Variants in DMXL2 observed in about 807,000 individuals in gnomAD.
DMXL2 encodes Dmx like 2.
DMXL2 carries 103 observed loss-of-function variants against 331.1 expected under a neutral mutation model. The ratio of observed to expected loss-of-function variants is 0.31; its 90% CI spans 0.27 to 0.37. The LOEUF (loss-of-function observed/expected upper bound fraction) is 0.37. Among genes scored for constraint, DMXL2 ranks in the 10% least tolerant of loss-of-function variants. The pLI, the probability that DMXL2 is intolerant of heterozygous loss-of-function variation, is 1.00. For synonymous variants in DMXL2, 1,281 were observed against 1,252.1 expected (o/e 1.02, Z -0.49); for missense variants, 3,171 against 3,642.9 (o/e 0.87, Z 3.33).
intron 6 of DMXL2, among the ~76,000 whole-genome samples, chr15:51,548,428 C>T (rs554570573): frequency 5.5e-4 from 84 of 152,098 alleles, no homozygotes; most frequent in African/African-American, 1.9e-3. Context: ...TTTAATTATA[C>T]AGCAAATCTT....
chr15:51,576,011 A>G, intron 2 of DMXL2, 45 bp downstream of exon 2: 1 of 1,541,646 alleles, frequency 6.5e-7, no homozygotes, highest in East Asian at 2.3e-5. Flanking sequence ...GAGATTATTA[A>G]ACACATTTTT....
intron 3 of DMXL2, among the ~76,000 whole-genome samples, chr15:51,566,343 C>T (rs536029053): frequency 2.5e-4 from 38 of 151,512 alleles, no homozygotes; most frequent in African/African-American, 8.7e-4. Flanking sequence ...AGAGAAAATG[C>T]TATTTTTAAA....
rs767565572 is a variant in DMXL2, at chr15:51,458,509, T to C, written c.8195A>G (p.Lys2732Arg). 8.1e-6 allele frequency: 13 copies of C among 1,613,278 alleles called. No individual in the cohort carries two copies. The highest frequency in any genetic ancestry group is 8.0e-5 in the African/African-American group (6 of 74,918). The change falls in exon 36 of 44, where the codon AAA becomes AGA. Residue 2732 changes from lysine (K) to arginine (R), a missense_variant. Around this residue, in one of 7 missense-constraint regions of DMXL2, gnomAD observed 766 missense variants for 940.5 expected, o/e 0.81. Coordinates refer to ENST00000560891, the MANE Select transcript of DMXL2 (RefSeq NM_001378457.1). The part of the protein sequence containing the change: ...WIGEEYDRES[K>R]SSDDVDYRGS... ...TAAAAGTGACTATGAGACAAACCTT[T>C]TGGATTCTCTGTCATATTCTTCTCC... is the stretch of plus-strand genomic sequence containing the variant.
At chr15:51,550,804 A>G (rs967702300) in intron 6 of DMXL2, among the ~76,000 whole-genome samples, 18 of 152,294 alleles carry the variant, frequency 1.2e-4, no homozygotes, top group African/African-American at 4.3e-4. Context: ...CACGTTGGGT[A>G]GAAAAGGCTC....
intron 1 of DMXL2, among the ~76,000 whole-genome samples, chr15:51,581,102 G>A (rs955122981): frequency 1.3e-5 from 2 of 152,138 alleles, no homozygotes; most frequent in African/African-American, 4.8e-5. Flanking sequence ...TCCATGGCCT[G>A]TTAGGAACTG....
intron 1 of DMXL2, among the ~76,000 whole-genome samples, chr15:51,591,824 A>G (rs2052366859): frequency 6.6e-6 from 1 of 152,222 alleles, no homozygotes; most frequent in African/African-American, 2.4e-5. Context: ...GTGGACCTCC[A>G]GCAAACTCCA....
At chr15:51,547,484 T>A in intron 6 of DMXL2, 76 bp from the exon 7 acceptor site, 2 of 1,110,220 alleles carry the variant, frequency 1.8e-6, no homozygotes, top group Non-Finnish European at 2.5e-6. Flanking sequence ...GAAGAAGTTT[T>A]AAAAATTAAG....
At chr15:51,605,554 T>G in intron 1 of DMXL2, among the ~76,000 whole-genome samples, 1 of 36,254 alleles carries the variant, frequency 2.8e-5, no homozygotes, top group African/African-American at 8.7e-5. Flanking sequence ...TTTTTTTTTT[T>G]GAGACGGAGT....
chr15:51,588,392 C>T (rs1265203623), intron 1 of DMXL2, among the ~76,000 whole-genome samples: 1 of 152,078 alleles, frequency 6.6e-6, no homozygotes, highest in Non-Finnish European at 1.5e-5. Flanking sequence ...CTCCTGGGCT[C>T]AAGTGATCTG....
intron 22 of DMXL2, 143 bp from the exon 23 acceptor site, chr15:51,486,480 T>C (rs2042404082): frequency 1.4e-5 from 9 of 650,638 alleles, no homozygotes; most frequent in East Asian, 2.8e-5. Flanking sequence ...AAATGATTGA[T>C]AGGAGATTAA....
At chr15:51,496,923 C>A (rs1461514543) in intron 18 of DMXL2, among the ~76,000 whole-genome samples, 1 of 152,224 alleles carries the variant, frequency 6.6e-6, no homozygotes, top group Non-Finnish European at 1.5e-5. Flanking sequence ...TGGAGACATT[C>A]ATTCCTGCCT....
intron 1 of DMXL2, among the ~76,000 whole-genome samples, chr15:51,593,049 A>T (rs1307228364): frequency 6.6e-6 from 1 of 152,228 alleles, no homozygotes; most frequent in Admixed American, 6.5e-5. Flanking sequence ...GACAGGATCA[A>T]ATTCACACCT....
intron 2 of DMXL2, among the ~76,000 whole-genome samples, chr15:51,573,165 G>A (rs1477396681): frequency 1.3e-5 from 2 of 152,226 alleles, no homozygotes; most frequent in African/African-American, 4.8e-5. Context: ...ACATCAGTTA[G>A]AATGGTGATC....
At chr15:51,586,990 A>G (rs2051883745) in intron 1 of DMXL2, among the ~76,000 whole-genome samples, 1 of 151,616 alleles carries the variant, frequency 6.6e-6, no homozygotes, top group Non-Finnish European at 1.5e-5. Flanking sequence ...CTCTAAAAAA[A>G]AAAAAAATCA....
At chr15:51,557,322 C>A (rs1229873758) in intron 6 of DMXL2, among the ~76,000 whole-genome samples, 1 of 151,886 alleles carries the variant, frequency 6.6e-6, no homozygotes, top group Admixed American at 6.6e-5. Context: ...GAATTAATCC[C>A]AAAAGATATT....
chr15:51,454,641 C>T, intron 40 of DMXL2, among the ~76,000 whole-genome samples: 1 of 152,034 alleles, frequency 6.6e-6, no homozygotes, highest in East Asian at 1.9e-4. Context: ...GGACTTCATG[C>T]ACGTGTCACC....
chr15:51,573,668 A>G (rs1489756507), intron 2 of DMXL2, among the ~76,000 whole-genome samples: 1 of 151,924 alleles, frequency 6.6e-6, no homozygotes, highest in Non-Finnish European at 1.5e-5. Flanking sequence ...CACTGGGGGA[A>G]ACATCACACA....
chr15:51,594,373 T>G (rs1367977079), intron 1 of DMXL2, among the ~76,000 whole-genome samples: 3 of 152,142 alleles, frequency 2.0e-5, no homozygotes, highest in Non-Finnish European at 4.4e-5. Context: ...AGGAAGAAGT[T>G]GAATCTCTGA....
At chr15:51,453,849 CTG>C (rs1394107740) in intron 40 of DMXL2, among the ~76,000 whole-genome samples, 1 of 152,126 alleles carries the variant, frequency 6.6e-6, no homozygotes, top group African/African-American at 2.4e-5. Context: ...TTTTTAATAA[CTG>C]GAGTTGGTAA....
Sources: allele counts gnomAD v4.1 joint callset (sites outside exome capture counted in the v4.1 genomes callset), GRCh38; gene constraint gnomAD v4.1.1; regional missense constraint gnomAD v4.1.1; transcripts MANE v1.5; gene names NCBI Gene and HGNC (gene_info 2026-07-23, HGNC 2026-07-21).